The following TRAPPC9 variants were observed in gnomAD, a reference collection of about 807,000 sequenced individuals.
TRAPPC9 encodes the protein trafficking protein particle complex subunit 9.
Under a neutral mutation model 124.0 loss-of-function variants are expected in TRAPPC9, and 83 were observed. The observed-to-expected ratio is 0.67, with a 90% CI of 0.56 to 0.80. The LOEUF (loss-of-function observed/expected upper bound fraction) is 0.80. Ranked by LOEUF, TRAPPC9 falls within the 30% of genes least tolerant of loss-of-function variation. The pLI, the probability that TRAPPC9 is intolerant of heterozygous loss-of-function variation, is 0.00. For synonymous variants in TRAPPC9, 638 were observed against 617.5 expected (o/e 1.03, Z -0.49); for missense variants, 1,302 against 1,508.3 (o/e 0.86, Z 2.27).
intron 19 of TRAPPC9, chr8:139,931,965 C>T (rs943720283): frequency 4.9e-6 from 1 of 202,572 alleles, no homozygotes; most frequent in South Asian, 8.5e-5. Context: ...TGCCACACAT[C>T]CAAATTAGAA....
chr8:140,331,309 C>T (rs556152509), intron 9 of TRAPPC9, among the ~76,000 whole-genome samples: 7 of 151,916 alleles, frequency 4.6e-5, no homozygotes, highest in Non-Finnish European at 1.0e-4. Context: ...CCACTATATA[C>T]AAAAATTGAC....
intron 17 of TRAPPC9, among the ~76,000 whole-genome samples, chr8:140,156,972 A>AAGCCTCCCTTTCCATTCAG (rs2061645889): frequency 3.7e-5 from 4 of 109,326 alleles, no homozygotes; most frequent in African/African-American, 1.7e-4. Context: ...TTTCCATTCA[A>AAGCCTCCCTTTCCATTCAG]AAGCCTCCCT....
chr8:139,764,818 C>T (rs1004807362), intron 21 of TRAPPC9, among the ~76,000 whole-genome samples: 11 of 152,308 alleles, frequency 7.2e-5, no homozygotes, highest in African/African-American at 2.6e-4. Flanking sequence ...CGGTCCGGTG[C>T]ATCCAGTCTG....
At chr8:140,454,854 G>A (rs1260305758) in intron 1 of TRAPPC9, among the ~76,000 whole-genome samples, 2 of 149,574 alleles carry the variant, frequency 1.3e-5, no homozygotes, top group African/African-American at 4.9e-5. Flanking sequence ...CACGGGAATC[G>A]CTTGAACCCA....
chr8:140,329,814 C>T (rs1463869998), intron 9 of TRAPPC9, among the ~76,000 whole-genome samples: 1 of 152,112 alleles, frequency 6.6e-6, no homozygotes, highest in African/African-American at 2.4e-5. Flanking sequence ...GGCATGGTGG[C>T]TCACACCTGT....
At chr8:139,837,023 G>A (rs1826406273) in intron 21 of TRAPPC9, among the ~76,000 whole-genome samples, 1 of 146,958 alleles carries the variant, frequency 6.8e-6, no homozygotes, top group African/African-American at 2.6e-5. Flanking sequence ...TGTGAGACCT[G>A]GAACAAGGAA....
At chr8:139,937,108 G>A (rs1397913495) in intron 19 of TRAPPC9, among the ~76,000 whole-genome samples, 1 of 152,134 alleles carries the variant, frequency 6.6e-6, no homozygotes, top group Non-Finnish European at 1.5e-5. Flanking sequence ...TCAGGCTGGA[G>A]GGGAGCAAAG....
intron 17 of TRAPPC9, among the ~76,000 whole-genome samples, chr8:140,168,117 G>A (rs1020453706): frequency 6.6e-6 from 1 of 152,136 alleles, no homozygotes; most frequent in Non-Finnish European, 1.5e-5. Context: ...GCTCAATAAC[G>A]AGATGCACTG....
chr8:140,058,796 C>T (rs929710626), intron 17 of TRAPPC9, among the ~76,000 whole-genome samples: 5 of 152,182 alleles, frequency 3.3e-5, no homozygotes, highest in South Asian at 4.1e-4. Context: ...GCATGCAACT[C>T]CACATGGGCT....
At chr8:140,058,711 T>A (rs560264662) in intron 17 of TRAPPC9, among the ~76,000 whole-genome samples, 6 of 152,168 alleles carry the variant, frequency 3.9e-5, no homozygotes, top group Non-Finnish European at 8.8e-5. Flanking sequence ...CGAAAGAGAA[T>A]GTGGAAGACA....
chr8:140,359,934 C>T, intron 9 of TRAPPC9, 116 bp downstream of exon 9: 1 of 1,428,636 alleles, frequency 7.0e-7, no homozygotes, highest in Non-Finnish European at 9.8e-7. Flanking sequence ...TGACGAAGAG[C>T]TGGGCAGCAT....
rs1238139713 is a variant in TRAPPC9, at chr8:139,856,934, G to A, written c.3055+28945C>T. The stretch of plus-strand genomic sequence containing the variant: ...TGTGAACCTGACGCTGCTGAGCACA[G>A]GGACACAGAGATGACTCGGGCACAC... On this transcript the variant is annotated intron_variant, in intron 21 of 22. Coordinates refer to ENST00000438773, the MANE Select transcript of TRAPPC9 (RefSeq NM_001160372.4). Among the ~76,000 whole-genome samples, 3 of 152,142 alleles carry A rather than the reference G, an allele frequency of 2.0e-5. No homozygotes were observed. In the East Asian group the frequency reaches 5.8e-4, roughly 29 times the overall value.
At chr8:140,019,587 G>A (rs1369873635) in intron 18 of TRAPPC9, among the ~76,000 whole-genome samples, 2 of 107,168 alleles carry the variant, frequency 1.9e-5, no homozygotes, top group East Asian at 3.1e-4. Flanking sequence ...GAATCTCGCT[G>A]TGTCACCTAG....
chr8:140,390,112 T>C (rs1190280159), intron 7 of TRAPPC9, among the ~76,000 whole-genome samples: 1 of 152,288 alleles, frequency 6.6e-6, no homozygotes, highest in East Asian at 1.9e-4. Flanking sequence ...AAGACCAGCC[T>C]GGCCAACATG....
intron 17 of TRAPPC9, among the ~76,000 whole-genome samples, chr8:140,132,792 CGGAGGA>C (rs56024663): frequency 6.7e-6 from 1 of 150,214 alleles, no homozygotes; most frequent in African/African-American, 2.5e-5. Context: ...GAGGCCAAGT[CGGAGGA>C]GGAGGAGGAG....
chr8:139,850,046 G>A (rs1827344433), intron 21 of TRAPPC9, among the ~76,000 whole-genome samples: 1 of 152,132 alleles, frequency 6.6e-6, no homozygotes, highest in Non-Finnish European at 1.5e-5. Context: ...AGGAACACTT[G>A]AGCCCAACCC....
chr8:140,015,653 A>AT (rs1839418634), intron 18 of TRAPPC9, among the ~76,000 whole-genome samples: 1 of 151,228 alleles, frequency 6.6e-6, no homozygotes, highest in Non-Finnish European at 1.5e-5. Context: ...AAAAATAAAA[A>AT]AAAAATAAGC....
intron 9 of TRAPPC9, among the ~76,000 whole-genome samples, chr8:140,350,622 G>T (rs902505996): frequency 3.3e-5 from 5 of 152,126 alleles, no homozygotes; most frequent in Non-Finnish European, 5.9e-5. Flanking sequence ...AGAGCCGGGG[G>T]TCACGGTGGT....
At chr8:140,168,035 G>A (rs1481298221) in intron 17 of TRAPPC9, among the ~76,000 whole-genome samples, 1 of 152,184 alleles carries the variant, frequency 6.6e-6, no homozygotes, top group Non-Finnish European at 1.5e-5. Flanking sequence ...ATACATGGAC[G>A]AGACTAAAAA....
Sources: allele counts gnomAD v4.1 joint callset (sites outside exome capture counted in the v4.1 genomes callset), GRCh38; gene constraint gnomAD v4.1.1; transcripts MANE v1.5; gene names NCBI Gene and HGNC (gene_info 2026-07-23, HGNC 2026-07-21).